Variants in DOCK9 observed in about 807,000 individuals in gnomAD.
DOCK9 encodes dedicator of cytokinesis protein 9.
Under a neutral mutation model 263.3 loss-of-function variants are expected in DOCK9, and 89 were observed. That is an observed-to-expected ratio of 0.34 (90% confidence interval 0.28 to 0.40). The LOEUF (loss-of-function observed/expected upper bound fraction) is 0.40. Ranked by LOEUF, DOCK9 falls within the 10% of genes least tolerant of loss-of-function variation. The pLI is 1.00. For missense variants in DOCK9, 2,140 were observed against 2,603.4 expected (o/e 0.82, Z 3.87); for synonymous variants, 976 against 973.1 (o/e 1.00, Z -0.06).
intron 2 of DOCK9, among the ~76,000 whole-genome samples, chr13:98,946,854 CT>C (rs1207303378): frequency 6.6e-6 from 1 of 152,164 alleles, no homozygotes; most frequent in Non-Finnish European, 1.5e-5. Context: ...CATGGAGAGA[CT>C]GTCTGCCCTC....
intron 5 of DOCK9, among the ~76,000 whole-genome samples, chr13:98,922,841 C>T (rs1367406379): frequency 6.6e-6 from 1 of 152,210 alleles, no homozygotes; most frequent in Admixed American, 6.5e-5. Context: ...CAATGCCCTA[C>T]TCCCTTTATA....
chr13:98,998,056 G>A (rs1282200516), intron 1 of DOCK9, among the ~76,000 whole-genome samples: 1 of 152,204 alleles, frequency 6.6e-6, no homozygotes, highest in Non-Finnish European at 1.5e-5. Flanking sequence ...AGGGTGTCAT[G>A]CATGTGACAC....
At chr13:98,855,029 C>T (rs1373973171) in intron 34 of DOCK9, among the ~76,000 whole-genome samples, 6 of 152,202 alleles carry the variant, frequency 3.9e-5, no homozygotes, top group Non-Finnish European at 5.9e-5. Context: ...ACCAATCTAC[C>T]ATGGCTCCAG....
intron 1 of DOCK9, among the ~76,000 whole-genome samples, chr13:99,052,276 C>T (rs1213387527): frequency 1.3e-5 from 2 of 152,148 alleles, no homozygotes; most frequent in Non-Finnish European, 2.9e-5. Context: ...CACAGAGACC[C>T]TCACCCCTGG....
At chr13:99,050,692 GTAAA>G (rs964549066) in intron 1 of DOCK9, among the ~76,000 whole-genome samples, 9 of 152,094 alleles carry the variant, frequency 5.9e-5, no homozygotes, top group Admixed American at 2.6e-4. Flanking sequence ...CCGTCTCTAA[GTAAA>G]TAAATAAAAA....
intron 1 of DOCK9, among the ~76,000 whole-genome samples, chr13:99,068,053 C>T (rs958252335): frequency 6.6e-6 from 1 of 152,110 alleles, no homozygotes; most frequent in Non-Finnish European, 1.5e-5. Context: ...TTCAACCCCC[C>T]ACCTCCTGCC....
intron 1 of DOCK9, among the ~76,000 whole-genome samples, chr13:99,038,836 A>C (rs1340784352): frequency 6.6e-6 from 1 of 152,232 alleles, no homozygotes; most frequent in Non-Finnish European, 1.5e-5. Context: ...TTTGTGGATA[A>C]ACCAAAGTCC....
At position 98,915,320 on chromosome 13, in the gene DOCK9, C is replaced by T. The variant is rs781651474; in HGVS notation, c.892+9G>A. 1.2e-5 allele frequency: 19 copies of T among 1,612,048 alleles called. 1 individual carries two copies. Among genetic ancestry groups the T allele is most frequent in the Non-Finnish European group, 1.5e-5 (18 of 1,179,044 alleles). On this transcript the variant is annotated intron_variant, in intron 8 of 52. Coordinates refer to ENST00000682017, the MANE Select transcript of DOCK9 (RefSeq NM_001366683.2). ...GTGTATGTGCCTGGGGGAAGCCAAGCCTATCTACCTTCGTGAGAGTCGCCA... is the reference window on the plus strand; with the variant it reads ...GTGTATGTGCCTGGGGGAAGCCAAGTCTATCTACCTTCGTGAGAGTCGCCA...
chr13:98,928,243 G>A lies in DOCK9; in HGVS notation c.333+1925C>T, dbSNP rs865820996. Among the ~76,000 whole-genome samples the A allele has an allele frequency of 2.6e-5, 4 of 152,208 alleles. No individual in the cohort carries two copies. The South Asian group carries it at 8.3e-4, about 31-fold the overall frequency. Reference sequence around the variant, plus strand: ...ACTGTACCTTCAAAAAGACAGGAATGTGACTGACTGATTATACGATTAACA... The same window carrying A: ...ACTGTACCTTCAAAAAGACAGGAATATGACTGACTGATTATACGATTAACA... On this transcript the variant is annotated intron_variant, in intron 3 of 52. Coordinates refer to ENST00000682017, the MANE Select transcript of DOCK9 (RefSeq NM_001366683.2).
chr13:98,963,959 C>T (rs1354604233), intron 1 of DOCK9, among the ~76,000 whole-genome samples: 7 of 152,214 alleles, frequency 4.6e-5, no homozygotes. Context: ...AGGAAGGATC[C>T]TCATTTTCCT....
intron 52 of DOCK9, among the ~76,000 whole-genome samples, chr13:98,795,030 C>A (rs956778337): frequency 6.6e-6 from 1 of 152,168 alleles, no homozygotes; most frequent in African/African-American, 2.4e-5. Flanking sequence ...AGATGTTCAG[C>A]TTATCTCATA....
chr13:98,961,999 A>C (rs189709039), intron 1 of DOCK9, among the ~76,000 whole-genome samples: 28 of 152,332 alleles, frequency 1.8e-4, no homozygotes, highest in Admixed American at 6.5e-5. Context: ...AAGAAACCTC[A>C]CAGAAGCTTT....
chr13:98,972,052 G>A (rs1829901391), intron 1 of DOCK9, among the ~76,000 whole-genome samples: 1 of 152,186 alleles, frequency 6.6e-6, no homozygotes. Flanking sequence ...TCGTGCATAT[G>A]TGTCCAGGTA....
chr13:98,873,920 AG>A (rs1012432634), intron 27 of DOCK9, among the ~76,000 whole-genome samples: 3 of 152,082 alleles, frequency 2.0e-5, no homozygotes, highest in Admixed American at 1.3e-4. Context: ...CTCTCTCAAA[AG>A]CTCCTTCTTC....
intron 1 of DOCK9, among the ~76,000 whole-genome samples, chr13:99,068,437 T>C (rs34877648): frequency 6.6e-6 from 1 of 151,986 alleles, no homozygotes; most frequent in African/African-American, 2.4e-5. Context: ...TACAGAAAAT[T>C]AGCTGGGCAC....
intron 27 of DOCK9, among the ~76,000 whole-genome samples, chr13:98,877,458 G>T (rs141346266): frequency 9.3e-4 from 142 of 152,222 alleles, no homozygotes; most frequent in Admixed American, 1.6e-3. Flanking sequence ...CATCTTTCAC[G>T]TGGTCTTCCT....
chr13:98,853,558 T>G (rs775380209), intron 34 of DOCK9, 36 bp from the exon 35 acceptor site: 64 of 1,446,650 alleles, frequency 4.4e-5, no homozygotes, highest in Non-Finnish European at 6.2e-5. Flanking sequence ...TCTATTTAAT[T>G]ACGGGAGGAA....
intron 1 of DOCK9, among the ~76,000 whole-genome samples, chr13:99,033,338 A>T (rs139257096): frequency 0.027 from 4,099 of 152,340 alleles, 90 homozygotes; most frequent in Middle Eastern, 0.044. Flanking sequence ...AGGACCAATA[A>T]GTAAAAACTC....
At chr13:98,855,504 G>A (rs193289526) in intron 34 of DOCK9, among the ~76,000 whole-genome samples, 143 of 152,208 alleles carry the variant, frequency 9.4e-4, no homozygotes, top group African/African-American at 3.2e-3. Flanking sequence ...CCCAGGAGGC[G>A]GAGGTTGCAG....
Sources: allele counts gnomAD v4.1 joint callset (sites outside exome capture counted in the v4.1 genomes callset), GRCh38; gene constraint gnomAD v4.1.1; transcripts MANE v1.5; gene names NCBI Gene and HGNC (gene_info 2026-07-23, HGNC 2026-07-21).